Variants in WWP2 observed in about 807,000 individuals in gnomAD.
WWP2 encodes the protein NEDD4-like E3 ubiquitin-protein ligase WWP2.
A neutral mutation model predicts 121.0 loss-of-function variants in WWP2; 57 were observed. That is an observed-to-expected ratio of 0.47 (90% CI 0.38 to 0.59). The LOEUF (loss-of-function observed/expected upper bound fraction) is 0.59. WWP2 is among the 20% of genes least tolerant of loss of function. WWP2 has a pLI of 0.00. For synonymous variants in WWP2, 449 were observed against 441.3 expected, an observed-to-expected ratio of 1.02 and a Z score of -0.22; for missense variants, 962 against 1,158.9, an observed-to-expected ratio of 0.83 and a Z score of 2.47.
chr16:69,854,910 C>G (rs1298531873), intron 6 of WWP2, among the ~76,000 whole-genome samples: 1 of 152,036 alleles, frequency 6.6e-6, no homozygotes, highest in African/African-American at 2.4e-5. Flanking sequence ...GGCTAGAGTA[C>G]AGTGGTGCAA....
intron 16 of WWP2, among the ~76,000 whole-genome samples, 194 bp from the exon 17 acceptor site, chr16:69,933,776 T>C (rs946656239): frequency 6.6e-6 from 1 of 152,148 alleles, no homozygotes; most frequent in Non-Finnish European, 1.5e-5. Context: ...CCTGGTTCAC[T>C]GTAGGTCTGA....
In WWP2 at chr16:69,934,082, C is replaced by T. The variant is rs1433908388; in HGVS notation, c.1795C>T (p.Pro599Ser). Residue 599 changes from proline (P) to serine (S), a missense_variant, in exon 17 of 24, where the codon CCG (proline) becomes TCG (serine). By Grantham distance (74) the Pro-to-Ser change is moderately conservative (BLOSUM62 -1). Coordinates refer to ENST00000359154, the MANE Select transcript of WWP2 (RefSeq NM_001270454.2). ...LQINPASSIN[P>S]DHLTYFRFIG... Reference sequence around the variant, plus strand: ...GATCAACCCCGCCTCCTCCATCAACCCGGACCACCTCACCTACTTTCGCTT... The same window carrying T: ...GATCAACCCCGCCTCCTCCATCAACTCGGACCACCTCACCTACTTTCGCTT... The T allele has an allele frequency of 4.3e-6, 7 of 1,614,210 alleles. No individual in the cohort carries two copies. Among genetic ancestry groups the T allele is most frequent in the Non-Finnish European group, 5.9e-6 (7 of 1,180,022 alleles).
chr16:69,800,957 G>A lies in WWP2; in HGVS notation c.340+1662G>A, dbSNP rs530569165. Reference sequence around the variant, plus strand: ...TCCCAGTACTTTGGGAGGCTGAGGCGGGTGGATCACCTGAGGTCAGGAGTT... The same window carrying A: ...TCCCAGTACTTTGGGAGGCTGAGGCAGGTGGATCACCTGAGGTCAGGAGTT... On this transcript the variant is annotated intron_variant, in intron 4 of 23. Transcript: ENST00000359154. Among the ~76,000 whole-genome samples the A allele has an allele frequency of 6.0e-5, 9 of 149,100 alleles. 1 individual carries two copies. Among genetic ancestry groups the A allele is most frequent in the South Asian group, 2.1e-4 (1 of 4,748 alleles).
chr16:69,838,603 G>A (rs534990716), intron 4 of WWP2: 9 of 305,918 alleles, frequency 2.9e-5, no homozygotes, highest in African/African-American at 1.6e-4. Flanking sequence ...GGCTCTGCTG[G>A]GGCTGGAGCA....
rs779996006 is a variant in WWP2, at chr16:69,931,804, C to G, written c.1596C>G (p.Ile532Met). The G allele has an allele frequency of 5.0e-6, 8 of 1,613,692 alleles. No homozygotes were observed. In the East Asian group the frequency reaches 8.9e-5, roughly 18 times the overall value. Residue 532 changes from isoleucine to methionine, a missense_variant and splice_region_variant, in exon 16 of 24, where the codon ATC (isoleucine) becomes ATG (methionine). Ile to Met is a conservative substitution (Grantham distance 10). This residue lies in a region of WWP2 where 606 missense variants were observed against 772.6 expected (regional missense o/e 0.78). Transcript: ENST00000359154. Reference protein sequence around the residue: ...QTLFEDSFQQIMNMKPYDLRR... With the variant: ...QTLFEDSFQQMMNMKPYDLRR... Reference sequence around the variant, plus strand: ...GGCCCGATGCTCTGTCTTCCCAGATCATGAACATGAAACCCTATGACCTGC... The same window carrying G: ...GGCCCGATGCTCTGTCTTCCCAGATGATGAACATGAAACCCTATGACCTGC...
chr16:69,879,409 C>A (rs1288942746), intron 7 of WWP2, among the ~76,000 whole-genome samples: 1 of 152,100 alleles, frequency 6.6e-6, no homozygotes, highest in African/African-American at 2.4e-5. Flanking sequence ...GCCCACAGCC[C>A]ATGGTGACCC....
At chr16:69,930,330 G>A in intron 13 of WWP2, 72 bp downstream of exon 13, 1 of 1,582,934 alleles carries the variant, frequency 6.3e-7, no homozygotes, top group Non-Finnish European at 8.6e-7. Flanking sequence ...GGCTCTGGGA[G>A]GCCCACTTTG....
rs1185303258 is a variant in WWP2 at position 69,788,855 on chromosome 16, C to T, written c.70+1775C>T. Among the ~76,000 whole-genome samples, 10 of 152,144 alleles carry T rather than the reference C, an allele frequency of 6.6e-5. No individual in the cohort carries two copies. The South Asian group carries it at 1.2e-3, about 19-fold the overall frequency. On this transcript the variant is annotated intron_variant, in intron 2 of 23. Transcript: ENST00000359154. ...GGGCCCTCAGTAAATAGTGCCTGAA[C>T]GAAAGAATATTGCTTCGGGTTCCAT...
At chr16:69,805,112 T>C (rs2056247757) in intron 4 of WWP2, among the ~76,000 whole-genome samples, 1 of 151,914 alleles carries the variant, frequency 6.6e-6, no homozygotes, top group Non-Finnish European at 1.5e-5. Context: ...TGATCTTGGC[T>C]CACTGCAATC....
intron 4 of WWP2, among the ~76,000 whole-genome samples, chr16:69,819,084 CA>C (rs1341458315): frequency 6.6e-6 from 1 of 152,178 alleles, no homozygotes; most frequent in Non-Finnish European, 1.5e-5. Context: ...TCTGTCCCAT[CA>C]GCACCTCCTG....
Position 69,908,779 on chromosome 16 carries a change from G to A in WWP2, c.933G>A (p.Leu311=), listed in dbSNP as rs576852367. 1.9e-6 allele frequency: 3 copies of A among 1,614,148 alleles called. No individual in the cohort carries two copies. Among genetic ancestry groups the A allele is most frequent in the East Asian group, 2.2e-5 (1 of 44,880 alleles). Residue 311 remains leucine, a synonymous_variant, in exon 9 of 24, where the codon CTG becomes CTA. Transcript: ENST00000359154. ...ALPAGWEQRE[L]PNGRVYYVDH... ...TTTTCAGATGGGAACAGCGAGAGCT[G>A]CCCAACGGACGTGTCTATTATGTTG...
At chr16:69,880,588 T>G (rs1030613166) in intron 7 of WWP2, among the ~76,000 whole-genome samples, 1 of 152,230 alleles carries the variant, frequency 6.6e-6, no homozygotes, top group African/African-American at 2.4e-5. Flanking sequence ...CGTCCATTTT[T>G]AAGTTTTGCT....
chr16:69,811,358 G>A (rs2056389232), intron 4 of WWP2, among the ~76,000 whole-genome samples: 1 of 152,032 alleles, frequency 6.6e-6, no homozygotes, highest in South Asian at 2.1e-4. Context: ...TGTAATCCCA[G>A]CATTTTGGGA....
intron 6 of WWP2, among the ~76,000 whole-genome samples, chr16:69,868,956 C>T (rs1158682951): frequency 6.6e-6 from 1 of 152,122 alleles, no homozygotes; most frequent in Non-Finnish European, 1.5e-5. Context: ...GGTACAATCT[C>T]GGCTCACTGC....
intron 1 of WWP2, 31 bp from the exon 2 acceptor site, chr16:69,786,965 C>A: frequency 6.4e-7 from 1 of 1,555,994 alleles, no homozygotes; most frequent in South Asian, 1.2e-5. Context: ...ATCAGATATT[C>A]TCTGAATTCT....
chr16:69,939,324 T>G lies in WWP2; in HGVS notation c.2441-17T>G. Reference sequence around the variant, plus strand: ...GACGTCTCTGCTGACGTCGGCGTGTTTTACCTTGGATCACAGGTAGCAACG... The same window carrying G: ...GACGTCTCTGCTGACGTCGGCGTGTGTTACCTTGGATCACAGGTAGCAACG... On this transcript the variant is annotated splice_polypyrimidine_tract_variant and intron_variant, in intron 22 of 23. Transcript: ENST00000359154. 6.2e-7 allele frequency: 1 copy of G among 1,614,126 alleles called. No individual in the cohort carries two copies. The highest frequency in any genetic ancestry group is 8.5e-7 in the Non-Finnish European group (1 of 1,180,016).
chr16:69,771,234 A>T (rs2055407743), intron 1 of WWP2, among the ~76,000 whole-genome samples: 2 of 152,222 alleles, frequency 1.3e-5, no homozygotes, highest in Admixed American at 6.6e-5. Flanking sequence ...TTCTCCTGTC[A>T]AAAGTTCTGT....
chr16:69,827,603 C>G (rs2151854231), intron 4 of WWP2, among the ~76,000 whole-genome samples: 1 of 152,290 alleles, frequency 6.6e-6, no homozygotes, highest in South Asian at 2.1e-4. Context: ...CTACATTTTG[C>G]TCTGCAAAGA....
intron 2 of WWP2, among the ~76,000 whole-genome samples, chr16:69,795,216 C>T (rs1359593552): frequency 6.6e-6 from 1 of 151,426 alleles, no homozygotes; most frequent in East Asian, 2.0e-4. Flanking sequence ...AGCCGGTCTA[C>T]AACTTACTTT....
Sources: allele counts gnomAD v4.1 joint callset (sites outside exome capture counted in the v4.1 genomes callset), GRCh38; gene constraint gnomAD v4.1.1; regional missense constraint gnomAD v4.1.1; transcripts MANE v1.5; gene names NCBI Gene and HGNC (gene_info 2026-07-23, HGNC 2026-07-21).